The following ALPK1 variants were observed in gnomAD, a reference collection of about 807,000 sequenced individuals.
ALPK1 encodes the protein alpha kinase 1.
In ALPK1, 110 loss-of-function variants were observed where a neutral mutation model predicts 120.6. That is an observed-to-expected ratio of 0.91 (90% CI 0.78 to 1.07). The LOEUF (loss-of-function observed/expected upper bound fraction) is 1.07. Ranked by LOEUF, ALPK1 falls within the 50% of genes least tolerant of loss-of-function variation. The probability of loss-of-function intolerance (pLI) is 0.00; values close to 1 mark genes in which losing one functional copy is unlikely to be tolerated. For synonymous variants in ALPK1, 582 were observed against 560.3 expected (o/e 1.04, Z -0.55); for missense variants, 1,498 against 1,483.9 (o/e 1.01, Z -0.16).
chr4:112,307,427 G>C (rs780802541), intron 1 of ALPK1, among the ~76,000 whole-genome samples: 3 of 152,022 alleles, frequency 2.0e-5, no homozygotes, highest in Non-Finnish European at 4.4e-5. Flanking sequence ...TTATGAATCT[G>C]GGTGCTCCTG....
chr4:112,357,929 CT>C, intron 2 of ALPK1: 2 of 895,426 alleles, frequency 2.2e-6, no homozygotes, highest in South Asian at 2.7e-5. Context: ...ACCATGGGTG[CT>C]TACTAAGCAA....
intron 2 of ALPK1, among the ~76,000 whole-genome samples, chr4:112,327,437 T>C: frequency 6.6e-6 from 1 of 152,160 alleles, no homozygotes; most frequent in East Asian, 1.9e-4. Flanking sequence ...GTTTTCTGTT[T>C]TGATTTTTGA....
At position 112,366,045 on chromosome 4, in the gene ALPK1, C is replaced by A. The variant is rs554733324; in HGVS notation, c.-100-11633C>A. 4.6e-4 allele frequency among the ~76,000 whole-genome samples: 70 copies of A among 152,144 alleles called. 1 individual carries two copies. In the South Asian group the frequency reaches 0.012, roughly 25 times the overall value. ...CTGGATCCTCATCTGTCTATATATA[C>A]AAAAATCAACTCAAGATGGATTAAA... On this transcript the variant is annotated intron_variant, in intron 2 of 15. Coordinates refer to ENST00000650871, the MANE Select transcript of ALPK1 (RefSeq NM_025144.4).
chr4:112,369,655 C>T (rs1015442202), intron 2 of ALPK1, among the ~76,000 whole-genome samples: 2 of 151,970 alleles, frequency 1.3e-5, no homozygotes, highest in African/African-American at 4.8e-5. Flanking sequence ...TCCACTCCAG[C>T]CTGGGTGACA....
chr4:112,335,956 A>G (rs1022193656), intron 2 of ALPK1, among the ~76,000 whole-genome samples: 1 of 152,174 alleles, frequency 6.6e-6, no homozygotes, highest in African/African-American at 2.4e-5. Context: ...TCTGTCATGA[A>G]TCTTTCATGG....
rs185399790 is a variant in ALPK1, at chr4:112,432,732, G to A, written c.3034+151G>A. The A allele has an allele frequency of 7.5e-4, 576 of 762,944 alleles. 6 individuals are homozygous for A. In the African/African-American group the frequency reaches 9.1e-3, roughly 12 times the overall value. 47.3% of individuals were successfully genotyped at this position (762,944 alleles called of 1,614,324 possible). A position where few individuals can be genotyped will look rare whatever the true frequency, so the allele number is the denominator to read the frequency against. ...TCACAGAGAAATGTATACTTCAGGG[G>A]TCTCCCTCACTCTGTGCGATGGACC... On this transcript the variant is annotated intron_variant, in intron 11 of 15. Transcript: ENST00000650871.
chr4:112,441,083 T>TA lies in ALPK1; in HGVS notation c.3706dup (p.Arg1236LysfsTer25), dbSNP rs1290495613. The TA allele has an allele frequency of 1.9e-6, 3 of 1,613,964 alleles. No homozygotes were observed. The highest frequency in any genetic ancestry group is 2.5e-6 in the Non-Finnish European group (3 of 1,179,868). Reference sequence around the variant, plus strand: ...AAATCTGCCATCGTCTTTCTTTGACTAGACCTTCAATGGAGAAACCATGTA... The same window carrying TA: ...AAATCTGCCATCGTCTTTCTTTGACTAAGACCTTCAATGGAGAAACCATGTA... On this transcript the variant is annotated frameshift_variant, in exon 15 of 16. Coordinates refer to ENST00000650871, the MANE Select transcript of ALPK1 (RefSeq NM_025144.4). LOFTEE classifies it low-confidence loss of function (END_TRUNC).
At chr4:112,334,969 C>T (rs952617699) in intron 2 of ALPK1, among the ~76,000 whole-genome samples, 2 of 152,058 alleles carry the variant, frequency 1.3e-5, no homozygotes, top group African/African-American at 4.8e-5. Context: ...TGTTAAGATC[C>T]TTTTTTAAAC....
intron 1 of ALPK1, among the ~76,000 whole-genome samples, chr4:112,302,718 G>A (rs1727843255): frequency 6.9e-6 from 1 of 144,494 alleles, no homozygotes; most frequent in Admixed American, 7.2e-5. Context: ...TTAAGTGTGA[G>A]TATCCTGAAA....
intron 2 of ALPK1, among the ~76,000 whole-genome samples, chr4:112,343,767 C>A (rs986885817): frequency 3.4e-5 from 5 of 149,212 alleles, no homozygotes; most frequent in Non-Finnish European, 5.9e-5. Context: ...CCCCCCTACC[C>A]CCGTTAATTG....
In ALPK1 at chr4:112,356,443, A is replaced by C; in HGVS notation, c.-100-21235A>C. On this transcript the variant is annotated intron_variant, in intron 2 of 15. Transcript: ENST00000650871. Reference sequence around the variant, plus strand: ...GGAGACCCCTTAGCTTGCTACACGGACATCCCAAAGATCATTTACGCCTTT... The same window carrying C: ...GGAGACCCCTTAGCTTGCTACACGGCCATCCCAAAGATCATTTACGCCTTT... The C allele has an allele frequency of 6.4e-6, 6 of 944,348 alleles. No homozygotes were observed. In the Admixed American group the frequency reaches 1.0e-4, roughly 16 times the overall value. The allele number at this position is 944,348 out of a possible 1,614,324, so 58.5% of individuals were successfully genotyped here.
At chr4:112,347,829 C>G (rs1730164823) in intron 2 of ALPK1, among the ~76,000 whole-genome samples, 1 of 150,556 alleles carries the variant, frequency 6.6e-6, no homozygotes, top group Admixed American at 6.6e-5. Context: ...TTATTTTTTG[C>G]CAGTAATAGA....
At chr4:112,371,687 T>A (rs1260436992) in intron 2 of ALPK1, among the ~76,000 whole-genome samples, 1 of 152,172 alleles carries the variant, frequency 6.6e-6, no homozygotes, top group Non-Finnish European at 1.5e-5. Flanking sequence ...AGGAAGAGAT[T>A]TATGATCTTG....
chr4:112,380,603 T>TTC, intron 3 of ALPK1, among the ~76,000 whole-genome samples: 1 of 152,180 alleles, frequency 6.6e-6, no homozygotes, highest in Admixed American at 6.5e-5. Context: ...AAGTTAGATT[T>TTC]TCTCTCTCCT....
chr4:112,337,919 G>A (rs547459191), intron 2 of ALPK1, among the ~76,000 whole-genome samples: 8 of 152,126 alleles, frequency 5.3e-5, no homozygotes, highest in Non-Finnish European at 7.3e-5. Flanking sequence ...CATAAAAGCC[G>A]AATGGTTTGC....
At chr4:112,358,385 AGTTTGC>A in intron 2 of ALPK1, 1 of 608,802 alleles carries the variant, frequency 1.6e-6, no homozygotes, top group Non-Finnish European at 3.0e-6. Flanking sequence ...TGTAGCACCC[AGTTTGC>A]GTGAGGCAGA....
chr4:112,352,622 T>G (rs1730412207), intron 2 of ALPK1: 1 of 152,226 alleles, frequency 6.6e-6, no homozygotes, highest in South Asian at 2.1e-4. Context: ...GTTTTTTAGT[T>G]GTATTATTTT....
chr4:112,415,629 T>C (rs1267922875), intron 5 of ALPK1, among the ~76,000 whole-genome samples: 2 of 147,912 alleles, frequency 1.4e-5, no homozygotes, highest in Non-Finnish European at 1.5e-5. Flanking sequence ...AGTGAGACTC[T>C]GTCTCAAAAA....
chr4:112,371,848 T>A (rs1240953409), intron 2 of ALPK1, among the ~76,000 whole-genome samples: 1 of 152,200 alleles, frequency 6.6e-6, no homozygotes, highest in East Asian at 1.9e-4. Flanking sequence ...AGCTAGGGAA[T>A]TTCTTAATAA....
Sources: allele counts gnomAD v4.1 joint callset (sites outside exome capture counted in the v4.1 genomes callset), GRCh38; gene constraint gnomAD v4.1.1; transcripts MANE v1.5; gene names NCBI Gene and HGNC (gene_info 2026-07-23, HGNC 2026-07-21).